Variants in SUMF2 observed in about 807,000 individuals in gnomAD.
The protein encoded by SUMF2 is inactive C-alpha-formylglycine-generating enzyme 2.
In SUMF2, 45 loss-of-function variants were observed where a neutral mutation model predicts 44.8. The observed-to-expected ratio is 1.00, with a 90% confidence interval of 0.79 to 1.29. The LOEUF (loss-of-function observed/expected upper bound fraction) is 1.29. Among genes scored for constraint, SUMF2 ranks in the 50% most tolerant of loss-of-function variants. The pLI, the probability that SUMF2 is intolerant of heterozygous loss-of-function variation, is 0.00. For missense variants in SUMF2, 418 were observed against 389.9 expected, an observed-to-expected ratio of 1.07 and a Z score of -0.61; for synonymous variants, 148 against 150.4, an observed-to-expected ratio of 0.98 and a Z score of 0.12.
At chr7:56,080,879 C>G (rs1350855846), downstream of SUMF2, 1 of 732,246 alleles carries the variant, frequency 1.4e-6, no homozygotes, top group Admixed American at 2.9e-5. Flanking sequence ...GTGGGAACAC[C>G]CACTTCCCTT....
rs1795686092 is a variant in SUMF2 at position 56,078,082 on chromosome 7, CCCTT to C, written c.592-15_592-12del. 1.2e-6 allele frequency: 2 copies of C among 1,601,016 alleles called. No homozygotes were observed. Among genetic ancestry groups the C allele is most frequent in the East Asian group, 4.5e-5 (2 of 44,498 alleles). ...TTTGGGACAGGTGGTAAATCCTTTA[CCCTT>C]CCTTTCTCCCATCAGGGAAAGTTCC... is the stretch of plus-strand genomic sequence containing the variant. On this transcript the variant is annotated splice_polypyrimidine_tract_variant and intron_variant, in intron 6 of 8. Coordinates refer to ENST00000434526, the MANE Select transcript of SUMF2 (RefSeq NM_015411.4).
chr7:56,072,534 C>G (rs1479742388), intron 2 of SUMF2, among the ~76,000 whole-genome samples: 2 of 151,928 alleles, frequency 1.3e-5, no homozygotes, highest in Non-Finnish European at 2.9e-5. Context: ...ACCAGCCTGG[C>G]CAACATGGTG....
At chr7:56,064,882 C>CAAA (rs71015175) in intron 1 of SUMF2, among the ~76,000 whole-genome samples, 4 of 14,308 alleles carry the variant, frequency 2.8e-4, no homozygotes, top group Non-Finnish European at 3.4e-4. Flanking sequence ...TACTTTATCT[C>CAAA]AAAAAAAAAA....
chr7:56,072,418 T>G (rs1279054704), intron 2 of SUMF2, among the ~76,000 whole-genome samples: 1 of 151,558 alleles, frequency 6.6e-6, no homozygotes, highest in Non-Finnish European at 1.5e-5. Flanking sequence ...AGAGTGAGAC[T>G]TTGTCTCAAA....
At chr7:56,084,006 A>C, downstream of SUMF2, 1 of 617,408 alleles carries the variant, frequency 1.6e-6, no homozygotes, top group Non-Finnish European at 2.8e-6. Flanking sequence ...CCCCTGGAAA[A>C]ATTTTTCCCA....
downstream of SUMF2, among the ~76,000 whole-genome samples, chr7:56,084,620 G>A (rs537211590): frequency 4.0e-5 from 6 of 151,548 alleles, no homozygotes; most frequent in Non-Finnish European, 7.4e-5. Context: ...GTGATCACCC[G>A]TCTCAGCCTC....
downstream of SUMF2, among the ~76,000 whole-genome samples, chr7:56,084,646 T>G (rs1796176258): frequency 6.6e-6 from 1 of 151,942 alleles, no homozygotes; most frequent in African/African-American, 2.4e-5. Flanking sequence ...GTGTTGGGAT[T>G]ACAGGCGTGA....
intron 3 of SUMF2, 78 bp from the exon 4 acceptor site, chr7:56,074,096 C>T (rs1447542049): frequency 2.4e-6 from 3 of 1,265,714 alleles, no homozygotes; most frequent in Middle Eastern, 2.0e-4. Flanking sequence ...CGTCTCTGTT[C>T]TGCGTCCTGT....
intron 4 of SUMF2, 165 bp from the exon 5 acceptor site, chr7:56,074,421 C>T (rs1291215230): frequency 1.9e-6 from 2 of 1,042,368 alleles, no homozygotes; most frequent in East Asian, 2.5e-5. Context: ...CTTCAGCCTC[C>T]TGTAGTCTCT....
At chr7:56,083,675 CCTT>C, downstream of SUMF2, 12 of 1,586,158 alleles carry the variant, frequency 7.6e-6, no homozygotes, top group East Asian at 4.5e-5. Flanking sequence ...CTCAAGGTGA[CCTT>C]CTCAGTGAGG....
rs1475575487 is a variant in SUMF2, at chr7:56,079,826, G to A, written c.*214G>A. 13 of 1,551,806 alleles carry A rather than the reference G, an allele frequency of 8.4e-6. No individual in the cohort carries two copies. The highest frequency in any genetic ancestry group is 3.9e-5 in the Admixed American group (2 of 50,974). The stretch of plus-strand genomic sequence containing the variant: ...GAGAAGGGGCCCAATGTGTGTTGAC[G>A]ATGGCTGGGGGCCAGGTGTTTCTGT... On this transcript the variant is annotated 3_prime_UTR_variant, in exon 9 of 9. Coordinates refer to ENST00000434526, the MANE Select transcript of SUMF2 (RefSeq NM_015411.4).
chr7:56,083,385 A>T, downstream of SUMF2: 1 of 1,614,126 alleles, frequency 6.2e-7, no homozygotes, highest in Non-Finnish European at 8.5e-7. Context: ...GTCCCGGTGC[A>T]CGATGTTGAG....
intron 1 of SUMF2, 55 bp from the exon 2 acceptor site, chr7:56,068,427 C>T (rs1436841076): frequency 1.3e-6 from 2 of 1,484,554 alleles, no homozygotes; most frequent in African/African-American, 2.8e-5. Flanking sequence ...CCAAATATTA[C>T]CACTTGTTTT....
chr7:56,080,147 TC>T lies in SUMF2; in HGVS notation c.*536del, dbSNP rs1326122928. ...GACATGTAACTATTTAAAGCACAGTTCAGTCCTAAAAGGGTCTGGGAGAACC... is the reference window on the plus strand; with the variant it reads ...GACATGTAACTATTTAAAGCACAGTTAGTCCTAAAAGGGTCTGGGAGAACC... On this transcript the variant is annotated 3_prime_UTR_variant, in exon 9 of 9. Coordinates refer to ENST00000434526, the MANE Select transcript of SUMF2 (RefSeq NM_015411.4). 5 of 433,974 alleles carry T rather than the reference TC, an allele frequency of 1.2e-5. No individual in the cohort carries two copies. 26.9% of individuals were successfully genotyped at this position (433,974 alleles called of 1,614,324 possible).
chr7:56,066,647 T>C (rs746803174), intron 1 of SUMF2, among the ~76,000 whole-genome samples: 3 of 152,070 alleles, frequency 2.0e-5, no homozygotes, highest in Non-Finnish European at 4.4e-5. Context: ...TGAGACGGAG[T>C]CTCGCTCCTG....
downstream of SUMF2, chr7:56,083,616 G>T: frequency 6.4e-7 from 1 of 1,556,996 alleles, no homozygotes. Context: ...AGCCACGTGG[G>T]AGGGAGCGGA....
chr7:56,070,504 C>T (rs1795086471), intron 2 of SUMF2, among the ~76,000 whole-genome samples: 1 of 151,814 alleles, frequency 6.6e-6, no homozygotes, highest in South Asian at 2.1e-4. Flanking sequence ...GTAGCACACA[C>T]TTGTAGTCTC....
intron 1 of SUMF2, among the ~76,000 whole-genome samples, chr7:56,068,122 C>T (rs1794930723): frequency 6.6e-6 from 1 of 151,070 alleles, no homozygotes; most frequent in African/African-American, 2.4e-5. Flanking sequence ...CAAGCTCCGC[C>T]TCCCGGGTTT....
At chr7:56,070,914 A>ATACT (rs1341256314) in intron 2 of SUMF2, among the ~76,000 whole-genome samples, 1 of 152,208 alleles carries the variant, frequency 6.6e-6, no homozygotes, top group African/African-American at 2.4e-5. Context: ...AGAAGACTAC[A>ATACT]TACTGTATGA....
Sources: allele counts gnomAD v4.1 joint callset (sites outside exome capture counted in the v4.1 genomes callset), GRCh38; gene constraint gnomAD v4.1.1; transcripts MANE v1.5; gene names NCBI Gene and HGNC (gene_info 2026-07-23, HGNC 2026-07-21).